The following STARD9 variants were observed in gnomAD, a reference collection of about 807,000 sequenced individuals.
The protein encoded by STARD9 is StAR related lipid transfer domain containing 9, also known as stAR-related lipid transfer protein 9.
A neutral mutation model predicts 399.8 loss-of-function variants in STARD9; 346 were observed. The ratio of observed to expected loss-of-function variants is 0.87; its 90% confidence interval spans 0.79 to 0.95. The LOEUF (loss-of-function observed/expected upper bound fraction) is 0.95, where lower values mean the gene tolerates loss of function less well. Among genes scored for constraint, STARD9 ranks in the 40% least tolerant of loss-of-function variants. The probability of loss-of-function intolerance (pLI) is 0.00; values close to 1 mark genes in which losing one functional copy is unlikely to be tolerated. For synonymous variants in STARD9, 2,203 were observed against 2,143.5 expected (o/e 1.03, Z -0.77); for missense variants, 5,832 against 5,667.5 (o/e 1.03, Z -0.93).
intron 16 of STARD9, chr15:42,671,446 C>G (rs2060200323): frequency 6.6e-6 from 1 of 152,138 alleles, no homozygotes; most frequent in Non-Finnish European, 1.5e-5. Flanking sequence ...TGACACAAGT[C>G]CTGCTCCTGT....
At chr15:42,645,120 A>G (rs2059621866) in intron 7 of STARD9, among the ~76,000 whole-genome samples, 1 of 152,186 alleles carries the variant, frequency 6.6e-6, no homozygotes, top group African/African-American at 2.4e-5. Context: ...CAAACCCCTC[A>G]ATGTTGATAT....
At chr15:42,650,782 C>T (rs2059745817) in intron 7 of STARD9, among the ~76,000 whole-genome samples, 1 of 152,086 alleles carries the variant, frequency 6.6e-6, no homozygotes, top group African/African-American at 2.4e-5. Flanking sequence ...GACTTATAGA[C>T]CATAATCTCT....
At chr15:42,712,516 T>TGGA (rs1346215314) in intron 26 of STARD9, among the ~76,000 whole-genome samples, 1 of 152,126 alleles carries the variant, frequency 6.6e-6, no homozygotes, top group African/African-American at 2.4e-5. Context: ...AGGGGTTGAA[T>TGGA]TTCATTCTTT....
chr15:42,648,410 G>A (rs1357550909), intron 7 of STARD9, among the ~76,000 whole-genome samples: 3 of 152,138 alleles, frequency 2.0e-5, no homozygotes, highest in Non-Finnish European at 4.4e-5. Context: ...TAATCCACTG[G>A]CCTCGGCCTC....
intron 26 of STARD9, among the ~76,000 whole-genome samples, chr15:42,706,239 A>G (rs2061078355): frequency 6.6e-6 from 1 of 152,078 alleles, no homozygotes; most frequent in Non-Finnish European, 1.5e-5. Context: ...TTTTCTTCAT[A>G]TGTCTCTCAC....
intron 26 of STARD9, among the ~76,000 whole-genome samples, chr15:42,703,861 A>G (rs1327953187): frequency 6.6e-6 from 1 of 151,184 alleles, no homozygotes; most frequent in Non-Finnish European, 1.5e-5. Context: ...AGTGTATTTC[A>G]CCTCCAGGAT....
intron 3 of STARD9, among the ~76,000 whole-genome samples, chr15:42,626,387 T>TTCC (rs1231700940): frequency 1.3e-4 from 19 of 147,848 alleles, no homozygotes; most frequent in African/African-American, 3.3e-4. Flanking sequence ...CTTCCTCCTC[T>TTCC]TCCTCTTCCT....
intron 26 of STARD9, among the ~76,000 whole-genome samples, chr15:42,704,039 C>G (rs1459902316): frequency 6.6e-6 from 1 of 152,130 alleles, no homozygotes; most frequent in Admixed American, 6.5e-5. Context: ...TCCCGAGTAG[C>G]TGGGATTACA....
At chr15:42,708,777 C>T (rs889358346) in intron 26 of STARD9, among the ~76,000 whole-genome samples, 3 of 151,708 alleles carry the variant, frequency 2.0e-5, no homozygotes, top group African/African-American at 4.8e-5. Context: ...GTCATGCTTA[C>T]GAACTACAAA....
At chr15:42,646,117 T>A (rs528304545) in intron 7 of STARD9, among the ~76,000 whole-genome samples, 1 of 152,250 alleles carries the variant, frequency 6.6e-6, no homozygotes, top group East Asian at 1.9e-4. Context: ...GCCGAGATTG[T>A]GCCACTGCAC....
chr15:42,676,713 C>T (rs1281391980), intron 20 of STARD9, among the ~76,000 whole-genome samples: 1 of 152,138 alleles, frequency 6.6e-6, no homozygotes, highest in East Asian at 1.9e-4. Context: ...TCCTGTACGT[C>T]AAAGTGACCT....
intron 3 of STARD9, among the ~76,000 whole-genome samples, chr15:42,604,026 G>C (rs528684067): frequency 6.6e-4 from 100 of 152,302 alleles, no homozygotes; most frequent in Non-Finnish European, 1.3e-3. Context: ...CATGCAAGGA[G>C]GGGGTTTGTT....
At chr15:42,663,618 A>T (rs200378215) in intron 12 of STARD9, 128 bp downstream of exon 12, 2 of 615,032 alleles carry the variant, frequency 3.3e-6, no homozygotes, top group Non-Finnish European at 2.9e-6. Context: ...TCTCAGAGAA[A>T]GGGCCATGGC....
At position 42,688,528 on chromosome 15, in the gene STARD9, T is replaced by C; in HGVS notation, c.6950T>C (p.Leu2317Pro). The change falls in exon 23 of 33, where the codon CTA (leucine) becomes CCA (proline). Residue 2317 changes from leucine to proline, a missense_variant. Leu to Pro is a moderately conservative substitution (Grantham distance 98, BLOSUM62 -3). This residue lies in a region of STARD9 where 5,828 missense variants were observed against 5,651.1 expected (regional missense o/e 1.03). Coordinates refer to ENST00000290607, the MANE Select transcript of STARD9 (RefSeq NM_020759.3). ...AGGCAGGAAACTGTCAGCCCATTACTAAGCCGGACAGAATTCTGTACAGCT... is the reference window on the plus strand; with the variant it reads ...AGGCAGGAAACTGTCAGCCCATTACCAAGCCGGACAGAATTCTGTACAGCT... ...FFRQETVSPL[L>P]SRTEFCTAPL... The C allele has an allele frequency of 6.5e-7, 1 of 1,537,942 alleles. No homozygotes were observed. The highest frequency in any genetic ancestry group is 8.7e-7 in the Non-Finnish European group (1 of 1,147,066).
intron 1 of STARD9, among the ~76,000 whole-genome samples, chr15:42,580,188 G>T (rs1223463347): frequency 8.5e-5 from 13 of 152,254 alleles, no homozygotes; most frequent in Admixed American, 8.5e-4. Flanking sequence ...AAGAAGGGAA[G>T]AGGACCTCAA....
At chr15:42,673,401 C>CAA (rs142562373) in intron 16 of STARD9, among the ~76,000 whole-genome samples, 4 of 151,274 alleles carry the variant, frequency 2.6e-5, no homozygotes, top group African/African-American at 7.3e-5. Flanking sequence ...GACTCTGTCT[C>CAA]AAAAAAAACA....
intron 7 of STARD9, among the ~76,000 whole-genome samples, chr15:42,649,453 T>C (rs1419726766): frequency 6.6e-5 from 10 of 152,246 alleles, no homozygotes; most frequent in Admixed American, 1.3e-4. Flanking sequence ...TATTGAGTTT[T>C]TATTTTCACT....
Position 42,687,029 on chromosome 15 carries a change from T to C in STARD9, c.5451T>C (p.Ala1817=), listed in dbSNP as rs1346454790. The change falls in exon 23 of 33, where the codon GCT becomes GCC. Residue 1817 remains alanine (A), a synonymous_variant. Coordinates refer to ENST00000290607, the MANE Select transcript of STARD9 (RefSeq NM_020759.3). ...TTGCCTCATCTCAGCAGGTCACAGCTGAGATACCAGTTGATCTGAATACCA... is the reference window on the plus strand; with the variant it reads ...TTGCCTCATCTCAGCAGGTCACAGCCGAGATACCAGTTGATCTGAATACCA... ...SKIASSQQVT[A]EIPVDLNTRE... 1 of 1,535,488 alleles carries C rather than the reference T, an allele frequency of 6.5e-7. No homozygotes were observed. Among genetic ancestry groups the C allele is most frequent in the African/African-American group, 1.4e-5 (1 of 72,992 alleles).
chr15:42,693,592 C>A lies in STARD9; in HGVS notation c.12014C>A (p.Pro4005His). 6.5e-7 allele frequency: 1 copy of A among 1,537,248 alleles called. No homozygotes were observed. Among genetic ancestry groups the A allele is most frequent in the Non-Finnish European group, 8.7e-7 (1 of 1,146,898 alleles). ...GGGCAGCACCCTCAGCAGCTTCAGCCCAGGACAACTATCGGGGTCCAAAGC... is the reference window on the plus strand; with the variant it reads ...GGGCAGCACCCTCAGCAGCTTCAGCACAGGACAACTATCGGGGTCCAAAGC... ...FLGQHPQQLQ[P>H]RTTIGVQSRL... Residue 4005 changes from proline to histidine, a missense_variant, in exon 23 of 33, where the codon CCC becomes CAC. Transcript: ENST00000290607.
Sources: gnomAD v4.1 joint callset for allele counts (sites outside exome capture counted in the v4.1 genomes callset) on GRCh38, gnomAD v4.1.1 for gene constraint, gnomAD v4.1.1 regional missense constraint, MANE v1.5 for transcripts, NCBI Gene and HGNC (gene_info 2026-07-23, HGNC 2026-07-21) for gene names.